Variants in ZNF648 observed in about 807,000 individuals in gnomAD.
ZNF648 encodes the protein zinc finger protein 648.
A neutral mutation model predicts 0.3 loss-of-function variants in ZNF648; 1 was observed. The observed-to-expected ratio is 3.90, with a 90% CI of 1.39 to 18.51. The LOEUF (loss-of-function observed/expected upper bound fraction) is 18.51. Ranked by LOEUF, ZNF648 falls within the 30% of genes most tolerant of loss-of-function variation. The pLI, the probability that ZNF648 is intolerant of heterozygous loss-of-function variation, is 0.11. For synonymous variants in ZNF648, 376 were observed against 326.8 expected (o/e 1.15, Z -1.62); for missense variants, 874 against 769.7 (o/e 1.14, Z -1.60).
Position 182,057,636 on chromosome 1 carries a change from G to A in ZNF648, c.375C>T (p.Ser125=). The change falls in exon 2 of 2, where the codon TCC becomes TCT. Residue 125 remains serine, a synonymous_variant. Transcript: ENST00000339948. ...ATTTGTGTGCGAGACCACTGGGAAG[G>A]GAACCCAGAGCTCTGCTTGCTCCCG... is the stretch of plus-strand genomic sequence containing the variant. The part of the protein sequence containing the change: ...GSPGASRALG[S]LPSGLAHKLL... The A allele has an allele frequency of 6.2e-7, 1 of 1,614,204 alleles. No homozygotes were observed. Among genetic ancestry groups the A allele is most frequent in the East Asian group, 2.2e-5 (1 of 44,878 alleles).
At position 182,058,056 on chromosome 1, in the gene ZNF648, C is replaced by G. The variant is rs778815748; in HGVS notation, c.-46G>C. On this transcript the variant is annotated 5_prime_UTR_variant, in exon 2 of 2. Transcript: ENST00000339948. ...GCCTACTCCTCTGAGGAGGAGTATC[C>G]TGCTTGGCTCAGGATACCTGCAAAA... The G allele has an allele frequency of 6.5e-7, 1 of 1,536,874 alleles. No individual in the cohort carries two copies. The highest frequency in any genetic ancestry group is 1.4e-5 in the African/African-American group (1 of 71,974).
chr1:182,060,045 T>C (rs1354618801), intron 1 of ZNF648, among the ~76,000 whole-genome samples: 2 of 152,188 alleles, frequency 1.3e-5, no homozygotes, highest in Non-Finnish European at 2.9e-5. Flanking sequence ...AGCTGCAGCA[T>C]CCTGGGGTGA....
rs558936211 is a variant in ZNF648, at chr1:182,058,888, G to C, written c.-63-815C>G. On this transcript the variant is annotated intron_variant, in intron 1 of 1. Coordinates refer to ENST00000339948, the MANE Select transcript of ZNF648 (RefSeq NM_001009992.1). Reference sequence around the variant, plus strand: ...CACCCAGGCTGGAGTGCAGTGGCGCGATCTTGGCTCACTGCAACCTCTGCC... The same window carrying C: ...CACCCAGGCTGGAGTGCAGTGGCGCCATCTTGGCTCACTGCAACCTCTGCC... Among the ~76,000 whole-genome samples, 9 of 152,264 alleles carry C rather than the reference G, an allele frequency of 5.9e-5. No homozygotes were observed. The South Asian group carries it at 1.9e-3, about 32-fold the overall frequency.
chr1:182,058,840 A>G (rs547896323), intron 1 of ZNF648, among the ~76,000 whole-genome samples: 4 of 152,002 alleles, frequency 2.6e-5, no homozygotes, highest in African/African-American at 9.7e-5. Flanking sequence ...TTTGTTTTTA[A>G]TTGAGTCGGA....
intron 1 of ZNF648, among the ~76,000 whole-genome samples, chr1:182,060,961 T>C (rs1256056536): frequency 6.6e-6 from 1 of 152,146 alleles, no homozygotes; most frequent in Non-Finnish European, 1.5e-5. Flanking sequence ...ATTCTTTTCC[T>C]CTGGGCCACA....
intron 1 of ZNF648, among the ~76,000 whole-genome samples, chr1:182,060,938 C>T (rs1451981231): frequency 6.6e-6 from 1 of 152,188 alleles, no homozygotes; most frequent in African/African-American, 2.4e-5. Context: ...CCATTTTCCA[C>T]AGTCTGTGTG....
upstream of ZNF648, chr1:182,064,421 C>A (rs1666070628): frequency 6.6e-6 from 1 of 152,114 alleles, no homozygotes; most frequent in African/African-American, 2.4e-5. Context: ...CTCTTCTGAA[C>A]AGCAGTTTTC....
chr1:182,056,754 G>A lies in ZNF648; in HGVS notation c.1257C>T (p.Pro419=). The change falls in exon 2 of 2, where the codon CCC becomes CCT. Residue 419 remains proline, a synonymous_variant. Transcript: ENST00000339948. ...EHQRVHSGER[P]FPCPTCGKCF... is the part of the protein sequence containing the mutation. Reference sequence around the variant, plus strand: ...ACTTGCCGCAGGTGGGGCAGGGGAAGGGCCGCTCGCCCGAGTGCACGCGCT... The same window carrying A: ...ACTTGCCGCAGGTGGGGCAGGGGAAAGGCCGCTCGCCCGAGTGCACGCGCT... The A allele has an allele frequency of 5.7e-6, 9 of 1,569,854 alleles. No individual in the cohort carries two copies. The highest frequency in any genetic ancestry group is 7.8e-6 in the Non-Finnish European group (9 of 1,157,674).
In ZNF648 at chr1:182,056,170, T is replaced by G; in HGVS notation, c.*134A>C. On this transcript the variant is annotated 3_prime_UTR_variant, in exon 2 of 2. Transcript: ENST00000339948. Reference sequence around the variant, plus strand: ...CGGTGGTGACTTTCTGTTCAAGGGATCAAATAAATAATCAAATGGACCACT... The same window carrying G: ...CGGTGGTGACTTTCTGTTCAAGGGAGCAAATAAATAATCAAATGGACCACT... 1 of 1,201,088 alleles carries G rather than the reference T, an allele frequency of 8.3e-7. No homozygotes were observed. The highest frequency in any genetic ancestry group is 1.1e-6 in the Non-Finnish European group (1 of 879,392). 74.4% of individuals were successfully genotyped at this position (1,201,088 alleles called of 1,614,324 possible).
chr1:182,055,032 G>T lies in ZNF648; in HGVS notation c.*1272C>A, dbSNP rs1168092682. 1 of 152,180 alleles carries T rather than the reference G, an allele frequency of 6.6e-6. No individual in the cohort carries two copies. The highest frequency in any genetic ancestry group is 1.5e-5 in the Non-Finnish European group (1 of 68,030). 9.4% of individuals were successfully genotyped at this position (152,180 alleles called of 1,614,324 possible). A position where few individuals can be genotyped will look rare whatever the true frequency, so the allele number is the denominator to read the frequency against. On this transcript the variant is annotated 3_prime_UTR_variant, in exon 2 of 2. Transcript: ENST00000339948. This position sits in a 1 kb window ranked among gnomAD's most constrained non-coding sequence, Gnocchi z 4.1. The stretch of plus-strand genomic sequence containing the variant: ...TACTAAAGGTACTCCCCCAAAAAGG[G>T]CACTATACCTTCTTATGGAATATCT...
chr1:182,056,063 CT>C lies in ZNF648; in HGVS notation c.*240del, dbSNP rs543463491. 3.4e-4 allele frequency: 188 copies of C among 545,704 alleles called. 1 individual carries two copies. The highest frequency in any genetic ancestry group is 3.2e-3 in the African/African-American group (171 of 53,068). The allele number at this position is 545,704 out of a possible 1,614,324, so 33.8% of individuals were successfully genotyped here. On this transcript the variant is annotated 3_prime_UTR_variant, in exon 2 of 2. Transcript: ENST00000339948. ...CTCAACGTTTGATCAGCTCCCACTA[CT>C]TTGTCTTTCCCTTTTCCAATTGCTT...
chr1:182,056,144 T>C lies in ZNF648; in HGVS notation c.*160A>G. The C allele has an allele frequency of 9.9e-7, 1 of 1,008,236 alleles. No individual in the cohort carries two copies. Among genetic ancestry groups the C allele is most frequent in the South Asian group, 1.7e-5 (1 of 58,040 alleles). The allele number at this position is 1,008,236 out of a possible 1,614,324, so 62.5% of individuals were successfully genotyped here. ...TGAAACCACCCACCTGGGTGCTCTC[T>C]CGGTGGTGACTTTCTGTTCAAGGGA... On this transcript the variant is annotated 3_prime_UTR_variant, in exon 2 of 2. Transcript: ENST00000339948.
rs1388427171 is a variant in ZNF648 at position 182,054,912 on chromosome 1, G to A, written c.*1392C>T. 1 of 152,202 alleles carries A rather than the reference G, an allele frequency of 6.6e-6. No individual in the cohort carries two copies. Among genetic ancestry groups the A allele is most frequent in the African/African-American group, 2.4e-5 (1 of 41,446 alleles). 9.4% of individuals were successfully genotyped at this position (152,202 alleles called of 1,614,324 possible). A position where few individuals can be genotyped will look rare whatever the true frequency, so the allele number is the denominator to read the frequency against. On this transcript the variant is annotated 3_prime_UTR_variant, in exon 2 of 2. Coordinates refer to ENST00000339948, the MANE Select transcript of ZNF648 (RefSeq NM_001009992.1). ...TCTCTTTGGCGCCCCCATGTGTCAT[G>A]AGAATGCTATTTAGAGGTCACACCC...
At chr1:182,058,921 T>G (rs1002897750) in intron 1 of ZNF648, among the ~76,000 whole-genome samples, 2 of 152,208 alleles carry the variant, frequency 1.3e-5, no homozygotes, top group Non-Finnish European at 2.9e-5. Flanking sequence ...GCCTCCCGGT[T>G]CAAGTGATTC....
Position 182,056,931 on chromosome 1 carries a change from G to A in ZNF648, c.1080C>T (p.Asn360=). ...ACTCGGAGCACGGGAAGGGCTTATT[G>A]TTGCTGTGCATGTTGCGCTGGTGTT... ...LRKHQRNMHS[N]NKPFPCSECG... The change falls in exon 2 of 2, where the codon AAC becomes AAT. Residue 360 remains asparagine (N), a synonymous_variant. Transcript: ENST00000339948. The A allele has an allele frequency of 6.2e-7, 1 of 1,610,990 alleles. No individual in the cohort carries two copies. The highest frequency in any genetic ancestry group is 8.5e-7 in the Non-Finnish European group (1 of 1,178,708).
At chr1:182,062,268 T>C (rs1341766783), upstream of ZNF648, among the ~76,000 whole-genome samples, 2 of 152,192 alleles carry the variant, frequency 1.3e-5, no homozygotes, top group Non-Finnish European at 2.9e-5. Context: ...CTTTCCACTT[T>C]CAGCATTGAT....
rs1665898429 is a variant in ZNF648, at chr1:182,056,040, C to T, written c.*264G>A. ...TTCAGGTTCCCCAACCCAAGGAACTCAACGTTTGATCAGCTCCCACTACTT... is the reference window on the plus strand; with the variant it reads ...TTCAGGTTCCCCAACCCAAGGAACTTAACGTTTGATCAGCTCCCACTACTT... On this transcript the variant is annotated 3_prime_UTR_variant, in exon 2 of 2. Transcript: ENST00000339948. 5 of 466,100 alleles carry T rather than the reference C, an allele frequency of 1.1e-5. No individual in the cohort carries two copies. In the South Asian group the frequency reaches 1.6e-4, roughly 15 times the overall value. The allele number at this position is 466,100 out of a possible 1,614,324, so 28.9% of individuals were successfully genotyped here. A position where few individuals can be genotyped will look rare whatever the true frequency, so the allele number is the denominator to read the frequency against.
chr1:182,061,396 G>A (rs1405497827), intron 1 of ZNF648, among the ~76,000 whole-genome samples, 172 bp downstream of exon 1: 1 of 152,202 alleles, frequency 6.6e-6, no homozygotes, highest in African/African-American at 2.4e-5. Flanking sequence ...ACACTCTGCA[G>A]AAGCCTACCC....
the ZNF648 span, among the ~76,000 whole-genome samples, chr1:182,067,534 C>G: frequency 1.3e-5 from 2 of 152,168 alleles, no homozygotes; most frequent in Non-Finnish European, 2.9e-5. Context: ...GAGAACCCAC[C>G]TCTGGTCTCC....
Sources: gnomAD v4.1 joint callset for allele counts (sites outside exome capture counted in the v4.1 genomes callset) on GRCh38, gnomAD v4.1.1 for gene constraint, Gnocchi (gnomAD v3.1) non-coding constraint, MANE v1.5 for transcripts, NCBI Gene and HGNC (gene_info 2026-07-23, HGNC 2026-07-21) for gene names.